Variants in DPYSL2 observed in about 807,000 individuals in gnomAD.
DPYSL2 encodes the protein dihydropyrimidinase like 2, also known as dihydropyrimidinase-related protein 2.
In DPYSL2, 13 loss-of-function variants were observed where a neutral mutation model predicts 69.9. The observed-to-expected ratio is 0.19, with a 90% confidence interval of 0.12 to 0.30. The LOEUF (loss-of-function observed/expected upper bound fraction) is 0.30. Ranked by LOEUF, DPYSL2 falls within the 10% of genes least tolerant of loss-of-function variation. DPYSL2 has a pLI of 1.00. For synonymous variants in DPYSL2, 326 were observed against 359.1 expected (o/e 0.91, Z 1.04); for missense variants, 587 against 918.9 (o/e 0.64, Z 4.67).
In DPYSL2 at chr8:26,620,864, T is replaced by C. The variant is rs1462716209; in HGVS notation, c.629-3279T>C. Reference sequence around the variant, plus strand: ...AGAGCCTAACTCTAAATTTAGCCAATGTATAAGACTAAATGTCAAGTATTT... The same window carrying C: ...AGAGCCTAACTCTAAATTTAGCCAACGTATAAGACTAAATGTCAAGTATTT... On this transcript the variant is annotated intron_variant, in intron 3 of 13. Transcript: ENST00000521913. This position sits in a 1 kb window ranked among gnomAD's most constrained non-coding sequence, Gnocchi z 4.5. Among the ~76,000 whole-genome samples the C allele has an allele frequency of 6.6e-6, 1 of 152,236 alleles. No individual in the cohort carries two copies. Among genetic ancestry groups the C allele is most frequent in the African/African-American group, 2.4e-5 (1 of 41,466 alleles).
intron 7 of DPYSL2, among the ~76,000 whole-genome samples, chr8:26,629,041 A>G (rs957190933): frequency 3.9e-5 from 6 of 152,174 alleles, no homozygotes; most frequent in African/African-American, 1.4e-4. Context: ...CTTGAGGGGA[A>G]GGGATGAGGC....
intron 3 of DPYSL2, among the ~76,000 whole-genome samples, chr8:26,606,957 C>T (rs1222735259): frequency 6.6e-6 from 1 of 152,148 alleles, no homozygotes; most frequent in African/African-American, 2.4e-5. Flanking sequence ...TGGCATGGCC[C>T]TTTCTGGAGG....
At chr8:26,615,439 C>T (rs1802322583) in intron 3 of DPYSL2, among the ~76,000 whole-genome samples, 1 of 152,206 alleles carries the variant, frequency 6.6e-6, no homozygotes, top group South Asian at 2.1e-4. Flanking sequence ...TGTGAGTCTG[C>T]AGGGAGGACC....
chr8:26,524,835 A>AAAG (rs1563374151), intron 1 of DPYSL2, among the ~76,000 whole-genome samples: 6 of 74,224 alleles, frequency 8.1e-5, no homozygotes, highest in African/African-American at 1.3e-4. Context: ...AAAAAAAAAA[A>AAAG]AGAGAGAGAA....
At position 26,626,738 on chromosome 8, in the gene DPYSL2, C is replaced by T. The variant is rs536168782; in HGVS notation, c.855+60C>T. The T allele has an allele frequency of 5.6e-5, 88 of 1,567,112 alleles. No homozygotes were observed. In the African/African-American group the frequency reaches 9.4e-4, roughly 17 times the overall value. On this transcript the variant is annotated intron_variant, in intron 5 of 13. Coordinates refer to ENST00000521913, the MANE Select transcript of DPYSL2 (RefSeq NM_001197293.3). This position sits in a 1 kb window ranked among gnomAD's most constrained non-coding sequence, Gnocchi z 4.3. ...ACATTTGGTACCTTCAGGCTGTGGC[C>T]GTTTGGGAAAGCAGTCTCCGATGTA...
At chr8:26,519,517 G>T (rs1808351319) in intron 1 of DPYSL2, among the ~76,000 whole-genome samples, 1 of 152,138 alleles carries the variant, frequency 6.6e-6, no homozygotes, top group South Asian at 2.1e-4. Context: ...ATTTTAGAAT[G>T]TTTAGAGTAT....
intron 1 of DPYSL2, among the ~76,000 whole-genome samples, chr8:26,576,392 C>T (rs781628173): frequency 6.6e-6 from 1 of 151,448 alleles, no homozygotes; most frequent in Admixed American, 6.6e-5. Flanking sequence ...CCCATGATTA[C>T]GTAGGGATTC....
In DPYSL2 at chr8:26,656,036, A is replaced by C; in HGVS notation, c.*330A>C. On this transcript the variant is annotated 3_prime_UTR_variant, in exon 14 of 14. Coordinates refer to ENST00000521913, the MANE Select transcript of DPYSL2 (RefSeq NM_001197293.3). ...GGGTCTCCTTCGCCTTCAACCTCCT[A>C]GTGTCTGTTAGCATCTTCCTTTTCA... 4.2e-6 allele frequency: 1 copy of C among 237,280 alleles called. No homozygotes were observed. The highest frequency in any genetic ancestry group is 8.0e-6 in the Non-Finnish European group (1 of 124,300). The allele number at this position is 237,280 out of a possible 1,614,324, so 14.7% of individuals were successfully genotyped here. A position where few individuals can be genotyped will look rare whatever the true frequency, so the allele number is the denominator to read the frequency against.
At position 26,649,955 on chromosome 8, in the gene DPYSL2, A is replaced by G. The variant is rs544439834; in HGVS notation, c.1596+2155A>G. On this transcript the variant is annotated intron_variant, in intron 11 of 13. Transcript: ENST00000521913. ...TTCTTCCATCTTTTAAAAATGATAG[A>G]TGGCCCCAGAGGTCTTCTAGGTGCT... Among the ~76,000 whole-genome samples the G allele has an allele frequency of 3.3e-5, 5 of 152,180 alleles. No homozygotes were observed. The South Asian group carries it at 1.0e-3, about 32-fold the overall frequency.
intron 8 of DPYSL2, among the ~76,000 whole-genome samples, chr8:26,636,551 C>T (rs1802920303): frequency 6.6e-6 from 1 of 152,148 alleles, no homozygotes; most frequent in African/African-American, 2.4e-5. Flanking sequence ...ACGGAGGGGT[C>T]CTACATGTCC....
At chr8:26,612,936 C>T (rs1402419128) in intron 3 of DPYSL2, among the ~76,000 whole-genome samples, 2 of 152,346 alleles carry the variant, frequency 1.3e-5, no homozygotes, top group East Asian at 1.9e-4. Context: ...AGATCGTAAA[C>T]CTGTCCTGCC....
chr8:26,630,134 G>A (rs916669300), intron 7 of DPYSL2, among the ~76,000 whole-genome samples: 4 of 152,132 alleles, frequency 2.6e-5, no homozygotes, highest in African/African-American at 9.7e-5. Flanking sequence ...GCACAGACAC[G>A]CATAGGTGTA....
rs578025193 is a variant in DPYSL2, at chr8:26,635,559, A to T, written c.1126+659A>T. On this transcript the variant is annotated intron_variant, in intron 8 of 13. Transcript: ENST00000521913. Reference sequence around the variant, plus strand: ...CCCACCGCTGACAACATGAATTTCGATAATCACACTGCATCTTTTATGCTT... The same window carrying T: ...CCCACCGCTGACAACATGAATTTCGTTAATCACACTGCATCTTTTATGCTT... 2.6e-5 allele frequency among the ~76,000 whole-genome samples: 4 copies of T among 152,276 alleles called. No individual in the cohort carries two copies. In the East Asian group the frequency reaches 7.7e-4, roughly 29 times the overall value.
intron 1 of DPYSL2, among the ~76,000 whole-genome samples, chr8:26,540,586 T>C (rs1800663405): frequency 6.6e-6 from 1 of 152,152 alleles, no homozygotes; most frequent in Non-Finnish European, 1.5e-5. Flanking sequence ...GATAAACCCA[T>C]TGTAAGTTGA....
Position 26,655,655 on chromosome 8 carries a change from G to T in DPYSL2, c.1983G>T (p.Gln661His). 1 of 1,610,004 alleles carries T rather than the reference G, an allele frequency of 6.2e-7. No homozygotes were observed. ...ACAACATTCCCCGCCGCACCACCCA[G>T]CGTATCGTGGCGCCCCCCGGTGGCC... is the stretch of plus-strand genomic sequence containing the variant. ...IDDNIPRRTT[Q>H]RIVAPPGGRA... The change falls in exon 14 of 14, where the codon CAG becomes CAT. Residue 661 changes from glutamine (Q) to histidine (H), a missense_variant. By Grantham distance (24) the Gln-to-His change is conservative. This residue lies in a region of DPYSL2 where 452 missense variants were observed against 754.3 expected (regional missense o/e 0.60). Transcript: ENST00000521913.
chr8:26,596,539 T>C (rs944307929), intron 3 of DPYSL2, among the ~76,000 whole-genome samples: 1 of 152,194 alleles, frequency 6.6e-6, no homozygotes, highest in Non-Finnish European at 1.5e-5. Context: ...ATTCTGTCCT[T>C]TTCACAAGAG....
intron 3 of DPYSL2, among the ~76,000 whole-genome samples, chr8:26,592,187 T>C (rs1402757771): frequency 6.6e-6 from 1 of 152,158 alleles, no homozygotes; most frequent in Admixed American, 6.5e-5. Context: ...TTAGAAACGG[T>C]GTCTCACTCT....
At chr8:26,601,579 G>A (rs536339215) in intron 3 of DPYSL2, among the ~76,000 whole-genome samples, 19 of 152,022 alleles carry the variant, frequency 1.2e-4, no homozygotes, top group South Asian at 4.2e-4. Flanking sequence ...GGGTTTCACC[G>A]TTTTAGCCAG....
At chr8:26,637,367 T>C (rs1174437903) in intron 8 of DPYSL2, among the ~76,000 whole-genome samples, 1 of 152,220 alleles carries the variant, frequency 6.6e-6, no homozygotes, top group African/African-American at 2.4e-5. Context: ...GAGGCAGCCC[T>C]GGCAGGAATT....
Sources: gnomAD v4.1 joint callset for allele counts (sites outside exome capture counted in the v4.1 genomes callset) on GRCh38, gnomAD v4.1.1 for gene constraint, gnomAD v4.1.1 regional missense constraint, Gnocchi (gnomAD v3.1) non-coding constraint, MANE v1.5 for transcripts, NCBI Gene and HGNC (gene_info 2026-07-23, HGNC 2026-07-21) for gene names.